The following EPB41L3 variants were observed in gnomAD, a reference collection of about 807,000 sequenced individuals.
The protein encoded by EPB41L3 is erythrocyte membrane protein band 4.1 like 3.
In EPB41L3, 57 loss-of-function variants were observed where a neutral mutation model predicts 127.1. The ratio of observed to expected loss-of-function variants is 0.45; its 90% CI spans 0.36 to 0.56. EPB41L3 has a LOEUF of 0.56. EPB41L3 is among the 20% of genes least tolerant of loss of function. The pLI is 0.00. For synonymous variants in EPB41L3, 572 were observed against 549.5 expected, an observed-to-expected ratio of 1.04 and a Z score of -0.57; for missense variants, 1,273 against 1,372.2, an observed-to-expected ratio of 0.93 and a Z score of 1.14.
chr18:5,539,375 G>T (rs180971109), intron 1 of EPB41L3, among the ~76,000 whole-genome samples: 2 of 152,122 alleles, frequency 1.3e-5, no homozygotes, highest in African/African-American at 4.8e-5. Context: ...AATTACAAAA[G>T]AATTGGTGCT....
chr18:5,618,592 GCTC>G (rs1254172680), intron 1 of EPB41L3, among the ~76,000 whole-genome samples: 3 of 152,170 alleles, frequency 2.0e-5, no homozygotes, highest in Non-Finnish European at 2.9e-5. Context: ...CATCTTTGAT[GCTC>G]CTTCTCATAT....
At chr18:5,481,925 C>G (rs1339978376) in intron 2 of EPB41L3, among the ~76,000 whole-genome samples, 4 of 152,080 alleles carry the variant, frequency 2.6e-5, no homozygotes, top group Non-Finnish European at 4.4e-5. Context: ...AAAAACAAAA[C>G]AAGCCAGACA....
intron 3 of EPB41L3, among the ~76,000 whole-genome samples, chr18:5,566,724 A>ATTCTC (rs2094204260): frequency 2.9e-5 from 1 of 34,536 alleles, no homozygotes; most frequent in African/African-American, 1.3e-4. Context: ...TTTCTATTCC[A>ATTCTC]TTCTATTCTA....
chr18:5,494,320 C>T (rs2148395297), intron 1 of EPB41L3, among the ~76,000 whole-genome samples: 1 of 152,058 alleles, frequency 6.6e-6, no homozygotes, highest in East Asian at 1.9e-4. Flanking sequence ...AACTCCAATC[C>T]ACCTCACTCT....
chr18:5,596,639 T>C (rs1308703324), intron 3 of EPB41L3, among the ~76,000 whole-genome samples: 3 of 152,228 alleles, frequency 2.0e-5, no homozygotes. Context: ...TCCACCTTTA[T>C]GGCTGCTCAT....
intron 3 of EPB41L3, among the ~76,000 whole-genome samples, chr18:5,451,294 C>A (rs1264213248): frequency 6.6e-6 from 1 of 152,170 alleles, no homozygotes; most frequent in Admixed American, 6.5e-5. Context: ...TCATGATGAG[C>A]TCACTGAGTT....
intron 5 of EPB41L3, among the ~76,000 whole-genome samples, chr18:5,440,321 T>G (rs1371672327): frequency 6.6e-6 from 1 of 150,928 alleles, no homozygotes; most frequent in Non-Finnish European, 1.5e-5. Flanking sequence ...AATGGGAAAG[T>G]GTACAGAAAC....
chr18:5,472,491 G>A (rs1447543996), intron 3 of EPB41L3, among the ~76,000 whole-genome samples: 1 of 152,156 alleles, frequency 6.6e-6, no homozygotes, highest in East Asian at 1.9e-4. Flanking sequence ...GCATGTTATA[G>A]GTTAAACTGG....
intron 1 of EPB41L3, among the ~76,000 whole-genome samples, chr18:5,494,517 G>A (rs2090952866): frequency 1.3e-5 from 2 of 152,094 alleles, no homozygotes; most frequent in South Asian, 4.1e-4. Flanking sequence ...AATTAGCTGT[G>A]TATGCGGTGG....
intron 3 of EPB41L3, among the ~76,000 whole-genome samples, chr18:5,606,882 T>TTCTCTCTCTCTCTCTCTC (rs59299599): frequency 2.1e-5 from 3 of 141,538 alleles, no homozygotes; most frequent in African/African-American, 5.2e-5. Flanking sequence ...CATGGCGTCA[T>TTCTCTCTCTCTCTCTCTC]TCTCTCTCTC....
intron 3 of EPB41L3, among the ~76,000 whole-genome samples, chr18:5,568,318 A>T (rs1278366879): frequency 2.0e-5 from 3 of 151,960 alleles, no homozygotes; most frequent in African/African-American, 7.2e-5. Flanking sequence ...TAGGTGGCGC[A>T]TAAGTGAAAA....
chr18:5,615,797 C>CAGAG (rs1343400578), intron 1 of EPB41L3, among the ~76,000 whole-genome samples: 2 of 152,172 alleles, frequency 1.3e-5, no homozygotes, highest in Admixed American at 1.3e-4. Flanking sequence ...ATTTTTAACA[C>CAGAG]AGAGAGAGAA....
intron 3 of EPB41L3, among the ~76,000 whole-genome samples, chr18:5,549,606 C>T (rs974797500): frequency 1.3e-5 from 2 of 152,154 alleles, no homozygotes; most frequent in Non-Finnish European, 2.9e-5. Context: ...ACCAGATGCA[C>T]ACCATTGATA....
At chr18:5,400,725 A>G (rs1375561457) in intron 16 of EPB41L3, 2 of 547,238 alleles carry the variant, frequency 3.7e-6, no homozygotes, top group African/African-American at 3.8e-5. Context: ...AAAGTAAGTC[A>G]ATGACAACAT....
At chr18:5,403,892 T>G (rs1198850205) in intron 16 of EPB41L3, among the ~76,000 whole-genome samples, 1 of 152,238 alleles carries the variant, frequency 6.6e-6, no homozygotes, top group African/African-American at 2.4e-5. Flanking sequence ...TAAACCAGTA[T>G]GTTTTCTATG....
chr18:5,426,669 G>A (rs2078228164), intron 9 of EPB41L3, among the ~76,000 whole-genome samples: 1 of 152,124 alleles, frequency 6.6e-6, no homozygotes, highest in African/African-American at 2.4e-5. Flanking sequence ...CTCACTCCAT[G>A]TCTACAGAAT....
intron 11 of EPB41L3, among the ~76,000 whole-genome samples, chr18:5,422,118 TA>T (rs902643677): frequency 1.3e-5 from 2 of 152,110 alleles, no homozygotes; most frequent in African/African-American, 4.8e-5. Flanking sequence ...TACAGATGAC[TA>T]AAACAGACCT....
At chr18:5,556,948 T>C (rs944702670) in intron 3 of EPB41L3, among the ~76,000 whole-genome samples, 8 of 152,326 alleles carry the variant, frequency 5.3e-5, no homozygotes, top group African/African-American at 1.7e-4. Flanking sequence ...TAATACCACA[T>C]GGCCACTCTC....
At chr18:5,594,013 C>T (rs535283505) in intron 3 of EPB41L3, among the ~76,000 whole-genome samples, 43 of 152,212 alleles carry the variant, frequency 2.8e-4, no homozygotes, top group Admixed American at 1.7e-3. Flanking sequence ...GTGCAGTTAA[C>T]GCAATTATCA....
Sources: allele counts gnomAD v4.1 joint callset (sites outside exome capture counted in the v4.1 genomes callset), GRCh38; gene constraint gnomAD v4.1.1; transcripts MANE v1.5; gene names NCBI Gene and HGNC (gene_info 2026-07-23, HGNC 2026-07-21).